Variants in AFG2B observed in about 807,000 individuals in gnomAD.
AFG2B encodes the protein AAA ATPase AFG2B.
At chr15:45,403,282 G>A in the AFG2B span, 1 of 1,589,132 alleles carries the variant, frequency 6.3e-7, no homozygotes, top group Non-Finnish European at 8.5e-7. Context: ...CGTGCGGCGG[G>A]TCTTCCAGCG....
chr15:45,404,831 A>T, the AFG2B span, among the ~76,000 whole-genome samples: 27 of 151,450 alleles, frequency 1.8e-4, no homozygotes, highest in East Asian at 3.9e-3. Flanking sequence ...AAAGAAAAAA[A>T]AAATATATAT....
the AFG2B span, chr15:45,421,150 C>G: frequency 6.2e-7 from 1 of 1,611,508 alleles, no homozygotes; most frequent in Non-Finnish European, 8.5e-7. Context: ...GTTGCAAGGA[C>G]TTGGCTTTAT....
the AFG2B span, chr15:45,407,060 AGGT>A: frequency 6.3e-5 from 81 of 1,289,100 alleles, no homozygotes; most frequent in South Asian, 9.6e-4. Context: ...CCTCTCACTT[AGGT>A]GGACCAGTCA....
At chr15:45,405,918 A>G in the AFG2B span, among the ~76,000 whole-genome samples, 1 of 152,094 alleles carries the variant, frequency 6.6e-6, no homozygotes, top group African/African-American at 2.4e-5. Flanking sequence ...CATTTGCCAC[A>G]TTTGCTTTAT....
the AFG2B span, among the ~76,000 whole-genome samples, chr15:45,420,798 C>T: frequency 6.6e-6 from 1 of 152,022 alleles, no homozygotes; most frequent in Non-Finnish European, 1.5e-5. Flanking sequence ...TCAAGATGAG[C>T]CCGGCCAACA....
chr15:45,404,740 G>A, the AFG2B span, among the ~76,000 whole-genome samples: 2 of 150,396 alleles, frequency 1.3e-5, no homozygotes, highest in Middle Eastern at 3.4e-3. Flanking sequence ...CCAGGAGGTG[G>A]AGGTTGCAGT....
At chr15:45,421,242 T>A in the AFG2B span, 2 of 1,483,514 alleles carry the variant, frequency 1.3e-6, no homozygotes, top group Non-Finnish European at 1.8e-6. Context: ...CAGTTCACAT[T>A]AATTGAAATG....
At chr15:45,418,705 T>C in the AFG2B span, 2 of 1,601,520 alleles carry the variant, frequency 1.2e-6, no homozygotes, top group Non-Finnish European at 1.7e-6. Context: ...TTGAAGAAAT[T>C]TGTGGTTCAA....
the AFG2B span, among the ~76,000 whole-genome samples, chr15:45,412,061 G>A: frequency 2.7e-5 from 4 of 150,520 alleles, no homozygotes; most frequent in Admixed American, 1.3e-4. Flanking sequence ...CCACGCCATT[G>A]TACTCCAGCT....
chr15:45,407,069 A>G, the AFG2B span: 375 of 1,289,236 alleles, frequency 2.9e-4, 3 homozygotes, highest in East Asian at 0.016. Context: ...TAGGTGGACC[A>G]GTCAGCTGCT....
At chr15:45,413,377 A>G in the AFG2B span, among the ~76,000 whole-genome samples, 1 of 152,110 alleles carries the variant, frequency 6.6e-6, no homozygotes, top group African/African-American at 2.4e-5. Flanking sequence ...AACCCCAGGG[A>G]TGTCAAACTC....
chr15:45,402,733 GTGCCCTGTCCGCCCC>G, the AFG2B span: 1 of 1,565,858 alleles, frequency 6.4e-7, no homozygotes, highest in Non-Finnish European at 8.6e-7. Flanking sequence ...CCTCCTCCTA[GTGCCCTGTCCGCCCC>G]TGCGGCGCGT....
the AFG2B span, chr15:45,405,347 CA>C: frequency 6.2e-7 from 1 of 1,614,000 alleles, no homozygotes; most frequent in Non-Finnish European, 8.5e-7. Context: ...CACACTTAAA[CA>C]AAGAAAGGAA....
the AFG2B span, chr15:45,405,420 C>A: frequency 1.9e-6 from 3 of 1,614,130 alleles, no homozygotes; most frequent in Admixed American, 3.3e-5. Flanking sequence ...GGCCTTCTTG[C>A]AGAAATGACA....
the AFG2B span, chr15:45,402,699 C>T: frequency 1.3e-6 from 2 of 1,570,220 alleles, no homozygotes; most frequent in South Asian, 2.3e-5. Flanking sequence ...CGTCGAGATC[C>T]CGGAGGAGTC....
At chr15:45,420,846 G>T in the AFG2B span, among the ~76,000 whole-genome samples, 1 of 152,134 alleles carries the variant, frequency 6.6e-6, no homozygotes, top group Non-Finnish European at 1.5e-5. Context: ...ACAAAAATTA[G>T]TTGGGCGTGG....
At chr15:45,409,583 G>A in the AFG2B span, among the ~76,000 whole-genome samples, 3 of 151,456 alleles carry the variant, frequency 2.0e-5, no homozygotes, top group East Asian at 5.9e-4. Flanking sequence ...ACATGAGTTT[G>A]AACATGGTGG....
chr15:45,402,531 C>T, the AFG2B span: 1 of 1,596,272 alleles, frequency 6.3e-7, no homozygotes, highest in Non-Finnish European at 8.5e-7. Flanking sequence ...TGGGCCCGGC[C>T]GCCCTCCACG....
At chr15:45,407,259 C>G in the AFG2B span, 1 of 1,173,120 alleles carries the variant, frequency 8.5e-7, no homozygotes, top group Non-Finnish European at 1.1e-6. Flanking sequence ...CCCCCACCAG[C>G]TGAGGGGCTG....
Sources: allele counts gnomAD v4.1 joint callset (sites outside exome capture counted in the v4.1 genomes callset), GRCh38; gene constraint gnomAD v4.1.1; transcripts MANE v1.5; gene names NCBI Gene and HGNC (gene_info 2026-07-23, HGNC 2026-07-21).